Variants in IL1RAPL1 observed in about 807,000 individuals in gnomAD.
IL1RAPL1 encodes interleukin-1 receptor accessory protein-like 1.
In IL1RAPL1, 3 loss-of-function variants were observed where a neutral mutation model predicts 48.4. The observed-to-expected ratio is 0.06, with a 90% CI of 0.03 to 0.16. IL1RAPL1 has a LOEUF of 0.16. Among genes scored for constraint, IL1RAPL1 ranks in the 10% least tolerant of loss-of-function variants. The pLI, the probability that IL1RAPL1 is intolerant of heterozygous loss-of-function variation, is 1.00. For missense variants in IL1RAPL1, 349 were observed against 530.6 expected (o/e 0.66, Z 3.36); for synonymous variants, 185 against 187.7 (o/e 0.99, Z 0.12).
At chrX:29,485,381 G>T (rs968362899) in intron 5 of IL1RAPL1, among the ~76,000 whole-genome samples, 4 of 111,729 alleles carry the variant, frequency 3.6e-5, no homozygotes, top group Non-Finnish European at 7.5e-5. Flanking sequence ...TTGTTTGAAC[G>T]CTTGATGTGT....
rs1036003329 is a variant in IL1RAPL1 at position 28,927,051 on chromosome X, C to T, written c.82+137626C>T. Among the ~76,000 whole-genome samples the T allele has an allele frequency of 2.0e-4, 22 of 110,938 alleles. 1 individual carries two copies. The highest frequency in any genetic ancestry group is 1.7e-3 in the Admixed American group (18 of 10,349). On this transcript the variant is annotated intron_variant, in intron 2 of 10. Coordinates refer to ENST00000378993, the MANE Select transcript of IL1RAPL1 (RefSeq NM_014271.4). The stretch of plus-strand genomic sequence containing the variant: ...CTAGGACTACAAGTGCATGCCACCA[C>T]GCCTGGGTAATTTTTAAATTTTTTT...
At chrX:29,183,868 A>G (rs1930196288) in intron 2 of IL1RAPL1, among the ~76,000 whole-genome samples, 1 of 111,128 alleles carries the variant, frequency 9.0e-6, no homozygotes, top group Non-Finnish European at 1.9e-5. Flanking sequence ...TGATTTTTGT[A>G]TTTTTAGTAG....
chrX:29,507,205 T>G (rs1029681872), intron 5 of IL1RAPL1, among the ~76,000 whole-genome samples: 3 of 106,374 alleles, frequency 2.8e-5, no homozygotes, highest in African/African-American at 1.0e-4. Flanking sequence ...AAGTCTGTGC[T>G]TATTTATTAT....
intron 6 of IL1RAPL1, among the ~76,000 whole-genome samples, chrX:29,863,619 G>C (rs12859425): frequency 2.7e-5 from 3 of 111,754 alleles, no homozygotes; most frequent in African/African-American, 6.5e-5. Flanking sequence ...TGGGAGAAAA[G>C]TTTATGTGGA....
rs747211206 is a variant in IL1RAPL1, at chrX:28,879,763, G to GA, written c.82+90343dup. Among the ~76,000 whole-genome samples the GA allele has an allele frequency of 3.6e-5, 4 of 111,985 alleles. No individual in the cohort carries two copies. The South Asian group carries it at 1.5e-3, about 41-fold the overall frequency. ...GTAGGTTGTGGAATACATATTTCAAGAAAAATGCACTCAACTTTTAATATT... is the reference window on the plus strand; with the variant it reads ...GTAGGTTGTGGAATACATATTTCAAGAAAAAATGCACTCAACTTTTAATATT... On this transcript the variant is annotated intron_variant, in intron 2 of 10. Coordinates refer to ENST00000378993, the MANE Select transcript of IL1RAPL1 (RefSeq NM_014271.4).
At chrX:28,681,897 A>G (rs1270398686) in intron 1 of IL1RAPL1, among the ~76,000 whole-genome samples, 1 of 112,041 alleles carries the variant, frequency 8.9e-6, no homozygotes, top group Non-Finnish European at 1.9e-5. Flanking sequence ...GTTTAGTACC[A>G]AGACATTCTT....
chrX:29,947,924 C>T (rs374742516), intron 9 of IL1RAPL1, among the ~76,000 whole-genome samples: 41 of 110,179 alleles, frequency 3.7e-4, no homozygotes, highest in East Asian at 3.1e-3. Context: ...TGGTAGGAAC[C>T]GAGGCTTCTT....
At chrX:29,374,229 C>T (rs1385158096) in intron 3 of IL1RAPL1, among the ~76,000 whole-genome samples, 1 of 94,448 alleles carries the variant, frequency 1.1e-5, no homozygotes, top group Non-Finnish European at 2.1e-5. Context: ...CTTCTTTCTA[C>T]ATCTGGTAAA....
At chrX:29,726,087 A>C (rs1927769285) in intron 6 of IL1RAPL1, among the ~76,000 whole-genome samples, 1 of 112,348 alleles carries the variant, frequency 8.9e-6, no homozygotes. Context: ...CAGACAAAAG[A>C]AAATGTCTCA....
intron 6 of IL1RAPL1, among the ~76,000 whole-genome samples, chrX:29,734,852 C>G (rs1021328673): frequency 9.0e-6 from 1 of 111,256 alleles, no homozygotes; most frequent in African/African-American, 3.3e-5. Context: ...TGAACCCCAC[C>G]CCCCAATTCC....
At chrX:29,887,218 C>CAGAT (rs1458615864) in intron 6 of IL1RAPL1, among the ~76,000 whole-genome samples, 2 of 112,281 alleles carry the variant, frequency 1.8e-5, no homozygotes, top group Non-Finnish European at 1.9e-5. Flanking sequence ...AAAATCGCCA[C>CAGAT]AGATTGTCTC....
chrX:29,704,162 T>A (rs1388491636), intron 6 of IL1RAPL1, among the ~76,000 whole-genome samples: 1 of 110,352 alleles, frequency 9.1e-6, no homozygotes, highest in Non-Finnish European at 1.9e-5. Context: ...TTTCCTGTCC[T>A]CAAGGAATCC....
chrX:29,253,925 A>G (rs141848642), intron 2 of IL1RAPL1, among the ~76,000 whole-genome samples: 1 of 111,797 alleles, frequency 8.9e-6, no homozygotes, highest in African/African-American at 3.2e-5. Context: ...GCCCCAATTG[A>G]ATGTATAATA....
At chrX:29,835,822 T>C (rs907982647) in intron 6 of IL1RAPL1, among the ~76,000 whole-genome samples, 2 of 109,205 alleles carry the variant, frequency 1.8e-5, no homozygotes, top group African/African-American at 6.7e-5. Context: ...ATACGTTGTA[T>C]TTCTGTGGTA....
At chrX:29,745,953 AT>A (rs1024673614) in intron 6 of IL1RAPL1, among the ~76,000 whole-genome samples, 2 of 111,609 alleles carry the variant, frequency 1.8e-5, no homozygotes, top group East Asian at 5.6e-4. Context: ...GTTCTTCATG[AT>A]TTTTTTCTAT....
chrX:29,768,369 C>G (rs1928965104), intron 6 of IL1RAPL1, among the ~76,000 whole-genome samples: 1 of 111,595 alleles, frequency 9.0e-6, no homozygotes, highest in Non-Finnish European at 1.9e-5. Context: ...CTTTAGTGTT[C>G]AGTACACAGC....
chrX:28,641,587 A>C (rs1934542218), intron 1 of IL1RAPL1, among the ~76,000 whole-genome samples: 1 of 111,765 alleles, frequency 8.9e-6, no homozygotes, highest in African/African-American at 3.3e-5. Flanking sequence ...TATACTCAGT[A>C]ATGGGATTGC....
chrX:29,525,785 T>A lies in IL1RAPL1; in HGVS notation c.703+126477T>A, dbSNP rs144011406. On this transcript the variant is annotated intron_variant, in intron 5 of 10. Coordinates refer to ENST00000378993, the MANE Select transcript of IL1RAPL1 (RefSeq NM_014271.4). Reference sequence around the variant, plus strand: ...AGGCAAAAGAGATGGAGGAAAGGGTTGAAATAAGGATTTGTTTAGACAGTT... The same window carrying A: ...AGGCAAAAGAGATGGAGGAAAGGGTAGAAATAAGGATTTGTTTAGACAGTT... Among the ~76,000 whole-genome samples, 150 of 111,753 alleles carry A rather than the reference T, an allele frequency of 1.3e-3. 2 individuals are homozygous for A. The East Asian group carries it at 0.04, about 29-fold the overall frequency.
At position 29,069,136 on chromosome X, in the gene IL1RAPL1, C is replaced by G. The variant is rs776217720; in HGVS notation, c.83-213802C>G. ...TCAGGTAAATTGCTTTAATGATGTC[C>G]ATACTGTAAGGGAAGCATATTCTAA... is the stretch of plus-strand genomic sequence containing the variant. On this transcript the variant is annotated intron_variant, in intron 2 of 10. Coordinates refer to ENST00000378993, the MANE Select transcript of IL1RAPL1 (RefSeq NM_014271.4). Among the ~76,000 whole-genome samples, 4 of 111,579 alleles carry G rather than the reference C, an allele frequency of 3.6e-5. No individual in the cohort carries two copies. The East Asian group carries it at 1.1e-3, about 31-fold the overall frequency.
Sources: gnomAD v4.1 joint callset for allele counts (sites outside exome capture counted in the v4.1 genomes callset) on GRCh38, gnomAD v4.1.1 for gene constraint, MANE v1.5 for transcripts, NCBI Gene and HGNC (gene_info 2026-07-23, HGNC 2026-07-21) for gene names.